COLEC12: variants seen among roughly 807,000 people sequenced by gnomAD.
COLEC12 encodes the protein collectin-12.
In COLEC12, 33 loss-of-function variants were observed where a neutral mutation model predicts 71.1. That is an observed-to-expected ratio of 0.46 (90% confidence interval 0.35 to 0.62). The LOEUF (loss-of-function observed/expected upper bound fraction) is 0.62. Among genes scored for constraint, COLEC12 ranks in the 20% least tolerant of loss-of-function variants. COLEC12 has a pLI of 0.00. For missense variants in COLEC12, 765 were observed against 916.1 expected (o/e 0.84, Z 2.13); for synonymous variants, 350 against 353.0 (o/e 0.99, Z 0.10).
intron 2 of COLEC12, among the ~76,000 whole-genome samples, chr18:458,708 G>C (rs1040769662): frequency 7.5e-4 from 115 of 152,352 alleles, no homozygotes; most frequent in African/African-American, 2.7e-3. Flanking sequence ...CCAGACCTTA[G>C]GATCACAGAT....
In COLEC12 at chr18:316,754, A is replaced by G. The variant is rs1435250778; in HGVS notation, c.*3291T>C. ...AACATTGATCGTAGAAAAGGAAAAG[A>G]AAGTTTTTATTTTTTGCCTTGTTGT... On this transcript the variant is annotated 3_prime_UTR_variant, in exon 10 of 10. Coordinates refer to ENST00000400256, the MANE Select transcript of COLEC12 (RefSeq NM_130386.3). 6.6e-6 allele frequency: 1 copy of G among 152,184 alleles called. No individual in the cohort carries two copies. Among genetic ancestry groups the G allele is most frequent in the Admixed American group, 6.5e-5 (1 of 15,272 alleles). 9.4% of individuals were successfully genotyped at this position (152,184 alleles called of 1,614,324 possible).
chr18:473,162 G>A (rs1251048913), intron 2 of COLEC12, among the ~76,000 whole-genome samples: 2 of 152,068 alleles, frequency 1.3e-5, no homozygotes, highest in Non-Finnish European at 2.9e-5. Context: ...TGTCTCACTC[G>A]AAAGACTTGC....
intron 2 of COLEC12, among the ~76,000 whole-genome samples, chr18:443,882 T>A (rs1193305503): frequency 1.3e-5 from 2 of 152,092 alleles, no homozygotes; most frequent in Admixed American, 1.3e-4. Flanking sequence ...TGAGATCTGG[T>A]CATTTAAAAG....
At chr18:320,106 T>C in intron 9 of COLEC12, 42 bp from the exon 10 acceptor site, 2 of 1,158,416 alleles carry the variant, frequency 1.7e-6, no homozygotes. Flanking sequence ...TTTTCTTAAA[T>C]AATAAAGTTA....
intron 2 of COLEC12, among the ~76,000 whole-genome samples, chr18:410,617 G>A (rs59812380): frequency 0.037 from 5,656 of 151,988 alleles, 166 homozygotes; most frequent in East Asian, 0.17. Flanking sequence ...TAGAGACGGC[G>A]TTTCACCATG....
In COLEC12 at chr18:480,738, C is replaced by T. The variant is rs149243082; in HGVS notation, c.27G>A (p.Glu9=). 2 of 1,613,990 alleles carry T rather than the reference C, an allele frequency of 1.2e-6. No homozygotes were observed. Among genetic ancestry groups the T allele is most frequent in the African/African-American group, 1.3e-5 (1 of 74,920 alleles). MKDDFAEE[E]EVQSFGYKRF... ...GCTTGTAACCGAAGGATTGCACCTCCTCCTCCTCTGCGAAGTCGTCTGTGA... is the reference window on the plus strand; with the variant it reads ...GCTTGTAACCGAAGGATTGCACCTCTTCCTCCTCTGCGAAGTCGTCTGTGA... Residue 9 remains glutamate, a synonymous_variant, in exon 2 of 10, where the codon GAG becomes GAA. Transcript: ENST00000400256. The surrounding 1 kb of genome is among the most constrained non-coding windows in gnomAD (Gnocchi z 4.1).
In COLEC12 at chr18:362,703, A is replaced by G. The variant is rs1164284217; in HGVS notation, c.59-5181T>C. Reference sequence around the variant, plus strand: ...TCACCATTAAGAGATCCAGCGTGCCAAAGAACCTGGCGCCAATAGCACATT... The same window carrying G: ...TCACCATTAAGAGATCCAGCGTGCCGAAGAACCTGGCGCCAATAGCACATT... On this transcript the variant is annotated intron_variant, in intron 2 of 9. Transcript: ENST00000400256. The surrounding 1 kb of genome is among the most constrained non-coding windows in gnomAD (Gnocchi z 4.6). Among the ~76,000 whole-genome samples the G allele has an allele frequency of 6.6e-6, 1 of 152,134 alleles. No homozygotes were observed.
intron 8 of COLEC12, 82 bp from the exon 9 acceptor site, chr18:321,889 A>G (rs1485341006): frequency 7.3e-7 from 1 of 1,364,842 alleles, no homozygotes; most frequent in African/African-American, 1.5e-5. Context: ...AGAATATAAA[A>G]AAACAAAATT....
In COLEC12 at chr18:380,915, C is replaced by G. The variant is rs1355951203; in HGVS notation, c.59-23393G>C. ...ACAGGGTCTTGTGTGGAGCCTCCCA[C>G]ATGGTTCTCTTCCAGTTCCCTAGGC... is the stretch of plus-strand genomic sequence containing the variant. On this transcript the variant is annotated intron_variant, in intron 2 of 9. Transcript: ENST00000400256. Among the ~76,000 whole-genome samples, 4 of 152,156 alleles carry G rather than the reference C, an allele frequency of 2.6e-5. No individual in the cohort carries two copies. The East Asian group carries it at 5.8e-4, about 22-fold the overall frequency.
In COLEC12 at chr18:347,071, T is replaced by C. The variant is rs760582431; in HGVS notation, c.551A>G (p.Asp184Gly). The change falls in exon 5 of 10, where the codon GAT becomes GGT. Residue 184 changes from aspartate (D) to glycine (G), a missense_variant. Asp to Gly is a moderately conservative substitution (Grantham distance 94). Coordinates refer to ENST00000400256, the MANE Select transcript of COLEC12 (RefSeq NM_130386.3). ...CAGATTGCCCTGGAGCACGCTGGTA[T>C]CTTGCTGCAGATTCGTGACATAGCC... The part of the protein sequence containing the change: ...YNGYVTNLQQ[D>G]TSVLQGNLQN... 1.2e-6 allele frequency: 2 copies of C among 1,614,198 alleles called. No individual in the cohort carries two copies. Among genetic ancestry groups the C allele is most frequent in the East Asian group, 4.5e-5 (2 of 44,876 alleles).
chr18:378,977 G>A (rs926626813), intron 2 of COLEC12, among the ~76,000 whole-genome samples: 3 of 152,170 alleles, frequency 2.0e-5, no homozygotes, highest in Non-Finnish European at 2.9e-5. Context: ...GGCCTTGGGT[G>A]AGGATTGAGC....
intron 2 of COLEC12, among the ~76,000 whole-genome samples, chr18:360,982 A>C (rs1162818397): frequency 6.6e-6 from 1 of 151,902 alleles, no homozygotes; most frequent in Non-Finnish European, 1.5e-5. Flanking sequence ...CTTCCACCCA[A>C]CTTTTCTTAT....
At chr18:404,563 G>A (rs1055364164) in intron 2 of COLEC12, among the ~76,000 whole-genome samples, 4 of 152,282 alleles carry the variant, frequency 2.6e-5, no homozygotes, top group African/African-American at 7.2e-5. Flanking sequence ...GACCCCAAAC[G>A]GAGGGACCAG....
chr18:409,240 G>A (rs1161353245), intron 2 of COLEC12, among the ~76,000 whole-genome samples: 1 of 152,192 alleles, frequency 6.6e-6, no homozygotes, highest in East Asian at 1.9e-4. Flanking sequence ...GGTTTAGGCT[G>A]TAAAAGAAAC....
intron 2 of COLEC12, among the ~76,000 whole-genome samples, chr18:360,607 C>G (rs1490456825): frequency 6.6e-6 from 1 of 152,186 alleles, no homozygotes; most frequent in African/African-American, 2.4e-5. Flanking sequence ...AGTGCTTACA[C>G]ATCACATTGT....
intron 2 of COLEC12, among the ~76,000 whole-genome samples, chr18:447,898 C>A (rs1330219626): frequency 6.6e-6 from 1 of 152,088 alleles, no homozygotes; most frequent in African/African-American, 2.4e-5. Context: ...TCTTTGGTAG[C>A]GGTCAATCAC....
rs563580674 is a variant in COLEC12 at position 345,138 on chromosome 18, T to C, written c.1327+1157A>G. 3.3e-3 allele frequency among the ~76,000 whole-genome samples: 508 copies of C among 152,342 alleles called. 5 individuals carry two copies. Among genetic ancestry groups the C allele is most frequent in the Middle Eastern group, 6.8e-3 (2 of 294 alleles). On this transcript the variant is annotated intron_variant, in intron 5 of 9. Transcript: ENST00000400256. ...TTCTGATGCCCTGAAATTCTCTTTA[T>C]GTTAAACTCCCTAAGGGTGAGGACC...
intron 1 of COLEC12, among the ~76,000 whole-genome samples, chr18:483,377 G>A (rs1435081729): frequency 3.4e-5 from 5 of 145,428 alleles, no homozygotes; most frequent in African/African-American, 1.3e-4. Flanking sequence ...CAGCCTGAGC[G>A]ACAGAGTGTG....
intron 1 of COLEC12, among the ~76,000 whole-genome samples, chr18:498,837 C>T (rs1430234297): frequency 6.6e-6 from 1 of 152,106 alleles, no homozygotes; most frequent in Non-Finnish European, 1.5e-5. Context: ...TAAATCTCTC[C>T]AAAAATGTGT....
Sources: gnomAD v4.1 joint callset for allele counts (sites outside exome capture counted in the v4.1 genomes callset) on GRCh38, gnomAD v4.1.1 for gene constraint, Gnocchi (gnomAD v3.1) non-coding constraint, MANE v1.5 for transcripts, NCBI Gene and HGNC (gene_info 2026-07-23, HGNC 2026-07-21) for gene names.